The following PTPRM variants were observed in gnomAD, a reference collection of about 807,000 sequenced individuals.
PTPRM encodes the protein protein tyrosine phosphatase receptor type M, also known as receptor-type tyrosine-protein phosphatase mu.
In PTPRM, 47 loss-of-function variants were observed where a neutral mutation model predicts 186.7. The ratio of observed to expected loss-of-function variants is 0.25; its 90% CI spans 0.20 to 0.32. PTPRM has a LOEUF of 0.32. Among genes scored for constraint, PTPRM ranks in the 10% least tolerant of loss-of-function variants. PTPRM has a pLI of 1.00. For synonymous variants in PTPRM, 668 were observed against 674.9 expected, an observed-to-expected ratio of 0.99 and a Z score of 0.16; for missense variants, 1,494 against 1,865.0, an observed-to-expected ratio of 0.80 and a Z score of 3.66.
intron 32 of PTPRM, chr18:8,405,155 G>A (rs1470018795): frequency 1.4e-5 from 2 of 140,916 alleles, no homozygotes; most frequent in African/African-American, 5.4e-5. Flanking sequence ...AAAGGGCCAT[G>A]TTTCTTAAAA....
intron 9 of PTPRM, among the ~76,000 whole-genome samples, chr18:8,076,864 C>A (rs2089850133): frequency 6.6e-6 from 1 of 151,962 alleles, no homozygotes; most frequent in Non-Finnish European, 1.5e-5. Context: ...TATTTTGAAA[C>A]ATGCATTGAT....
At chr18:8,272,692 C>T (rs1427780086) in intron 19 of PTPRM, among the ~76,000 whole-genome samples, 1 of 152,024 alleles carries the variant, frequency 6.6e-6, no homozygotes, top group Non-Finnish European at 1.5e-5. Flanking sequence ...AATTTGTGAA[C>T]ATTAGTTAGA....
At chr18:7,672,024 T>C (rs963429851) in intron 1 of PTPRM, among the ~76,000 whole-genome samples, 4 of 152,336 alleles carry the variant, frequency 2.6e-5, no homozygotes, top group Admixed American at 2.0e-4. Flanking sequence ...TAGGATTCAG[T>C]TAATTGAAAG....
chr18:7,983,340 G>C (rs1045223234), intron 7 of PTPRM, among the ~76,000 whole-genome samples: 3 of 152,016 alleles, frequency 2.0e-5, no homozygotes, highest in Admixed American at 1.3e-4. Context: ...GTTTCATCCC[G>C]AAGCTATCCC....
intron 2 of PTPRM, chr18:7,815,553 C>T (rs992335462): frequency 2.0e-5 from 3 of 152,182 alleles, no homozygotes; most frequent in African/African-American, 7.2e-5. Context: ...CATCATTGCC[C>T]TTGCCTGCAA....
At chr18:7,856,720 G>A (rs2047112163) in intron 2 of PTPRM, among the ~76,000 whole-genome samples, 1 of 145,612 alleles carries the variant, frequency 6.9e-6, no homozygotes, top group Admixed American at 7.0e-5. Flanking sequence ...CTCCAGCCTG[G>A]GCAACAGAGC....
At chr18:8,319,090 C>T (rs926747411) in intron 21 of PTPRM, 88 bp from the exon 22 acceptor site, 53 of 887,270 alleles carry the variant, frequency 6.0e-5, no homozygotes, top group Non-Finnish European at 8.5e-5. Context: ...CGTTTGTGTG[C>T]ACATTCCTTT....
intron 1 of PTPRM, among the ~76,000 whole-genome samples, chr18:7,670,020 A>G (rs1259704641): frequency 6.6e-6 from 1 of 152,212 alleles, no homozygotes; most frequent in African/African-American, 2.4e-5. Flanking sequence ...CTGGGATTAC[A>G]GGTGTGAGCC....
chr18:8,179,291 A>G (rs2093537080), intron 14 of PTPRM, among the ~76,000 whole-genome samples: 2 of 152,202 alleles, frequency 1.3e-5, no homozygotes, highest in South Asian at 2.1e-4. Flanking sequence ...AGAAACAAAT[A>G]TGCTCCAAAT....
chr18:7,607,627 CT>C (rs1293974244), intron 1 of PTPRM, among the ~76,000 whole-genome samples: 1 of 152,248 alleles, frequency 6.6e-6, no homozygotes. Flanking sequence ...TCTCTTACCA[CT>C]GAAGGGGCAA....
chr18:7,892,665 G>A (rs891701419), intron 3 of PTPRM, among the ~76,000 whole-genome samples: 1 of 152,134 alleles, frequency 6.6e-6, no homozygotes, highest in East Asian at 1.9e-4. Context: ...AGTCTGCTGT[G>A]CTGCAGTAAC....
At chr18:7,695,675 A>G (rs563148306) in intron 1 of PTPRM, among the ~76,000 whole-genome samples, 4 of 152,318 alleles carry the variant, frequency 2.6e-5, no homozygotes, top group East Asian at 3.9e-4. Flanking sequence ...AGGCTTTCAT[A>G]TAGAATTATC....
intron 22 of PTPRM, among the ~76,000 whole-genome samples, chr18:8,330,685 T>A (rs1418307183): frequency 2.0e-5 from 3 of 150,468 alleles, no homozygotes; most frequent in Non-Finnish European, 4.4e-5. Flanking sequence ...TTGATTGCCG[T>A]CTCTCTGTTC....
intron 19 of PTPRM, among the ~76,000 whole-genome samples, chr18:8,289,575 T>TATATATAC (rs1555845744): frequency 9.2e-6 from 1 of 109,210 alleles, no homozygotes; most frequent in African/African-American, 4.6e-5. Flanking sequence ...TATATATATA[T>TATATATAC]ACATATATAT....
intron 1 of PTPRM, among the ~76,000 whole-genome samples, chr18:7,678,637 C>T (rs143380785): frequency 3.3e-5 from 5 of 151,962 alleles, no homozygotes; most frequent in African/African-American, 1.2e-4. Flanking sequence ...TGAAGTCCAC[C>T]CCTGTTTTAT....
chr18:8,125,994 TATATATATATATATATATATA>T (rs1183409789), intron 13 of PTPRM, among the ~76,000 whole-genome samples: 8 of 11,654 alleles, frequency 6.9e-4, no homozygotes, highest in Admixed American at 3.6e-3. Context: ...TATATATATA[TATATATATATATATATATATA>T]TATATATATA....
intron 14 of PTPRM, among the ~76,000 whole-genome samples, chr18:8,182,903 A>G (rs2093595569): frequency 6.6e-6 from 1 of 152,158 alleles, no homozygotes; most frequent in East Asian, 1.9e-4. Flanking sequence ...ACGGGTATGC[A>G]TCTGTCAGTC....
chr18:7,905,664 A>T (rs1282343606), intron 3 of PTPRM, among the ~76,000 whole-genome samples: 1 of 152,064 alleles, frequency 6.6e-6, no homozygotes, highest in African/African-American at 2.4e-5. Context: ...GGGCCTTCAC[A>T]TGTGCCCAGG....
intron 2 of PTPRM, among the ~76,000 whole-genome samples, chr18:7,860,444 T>C (rs1208325615): frequency 1.3e-5 from 2 of 152,150 alleles, no homozygotes; most frequent in Non-Finnish European, 2.9e-5. Flanking sequence ...TGGATCTATG[T>C]GCTCAGTGAG....
Sources: allele counts gnomAD v4.1 joint callset (sites outside exome capture counted in the v4.1 genomes callset), GRCh38; gene constraint gnomAD v4.1.1; transcripts MANE v1.5; gene names NCBI Gene and HGNC (gene_info 2026-07-23, HGNC 2026-07-21).